Variants in CAMTA1 observed in about 807,000 individuals in gnomAD.
CAMTA1 encodes calmodulin binding transcription activator 1.
A neutral mutation model predicts 170.9 loss-of-function variants in CAMTA1; 27 were observed. The ratio of observed to expected loss-of-function variants is 0.16; its 90% CI spans 0.12 to 0.22. The LOEUF is 0.22. Among genes scored for constraint, CAMTA1 ranks in the 10% least tolerant of loss-of-function variants. CAMTA1 has a pLI of 1.00. For missense variants in CAMTA1, 1,619 were observed against 2,217.2 expected, an observed-to-expected ratio of 0.73 and a Z score of 5.42; for synonymous variants, 833 against 891.5, an observed-to-expected ratio of 0.93 and a Z score of 1.17.
At chr1:7,082,725 C>T (rs887339184) in intron 3 of CAMTA1, among the ~76,000 whole-genome samples, 1 of 152,222 alleles carries the variant, frequency 6.6e-6, no homozygotes, top group Non-Finnish European at 1.5e-5. Context: ...TGCTCTTTCC[C>T]TTCCCTGATA....
intron 3 of CAMTA1, among the ~76,000 whole-genome samples, chr1:6,977,431 C>T (rs181094046): frequency 6.6e-6 from 1 of 152,048 alleles, no homozygotes; most frequent in Non-Finnish European, 1.5e-5. Context: ...ACCTCCACCT[C>T]CCAGGTTCAA....
intron 5 of CAMTA1, among the ~76,000 whole-genome samples, chr1:7,367,683 G>A (rs2086080756): frequency 6.6e-6 from 1 of 152,270 alleles, no homozygotes; most frequent in South Asian, 2.1e-4. Context: ...TAAGTCTGTG[G>A]CCTTGGATGC....
chr1:7,002,841 C>T (rs1348288253), intron 3 of CAMTA1, among the ~76,000 whole-genome samples: 1 of 152,180 alleles, frequency 6.6e-6, no homozygotes, highest in Admixed American at 6.5e-5. Flanking sequence ...TTTGCCATGA[C>T]TCACTCTTGA....
In CAMTA1 at chr1:7,004,934, AT is replaced by A. The variant is rs898609251; in HGVS notation, c.235-86361del. 4.6e-5 allele frequency among the ~76,000 whole-genome samples: 7 copies of A among 151,388 alleles called. No individual in the cohort carries two copies. The East Asian group carries it at 1.2e-3, about 25-fold the overall frequency. Reference sequence around the variant, plus strand: ...AGGCACATGCCATCACACCCGGCTAATTTTTTTTTGTGTTTTTAGTAGAGAC... The same window carrying A: ...AGGCACATGCCATCACACCCGGCTAATTTTTTTTGTGTTTTTAGTAGAGAC... On this transcript the variant is annotated intron_variant, in intron 3 of 22. Coordinates refer to ENST00000303635, the MANE Select transcript of CAMTA1 (RefSeq NM_015215.4).
At chr1:6,952,972 G>C (rs901211112) in intron 3 of CAMTA1, among the ~76,000 whole-genome samples, 1 of 152,132 alleles carries the variant, frequency 6.6e-6, no homozygotes, top group Non-Finnish European at 1.5e-5. Flanking sequence ...ACTGGGTTCT[G>C]TTTCCTTCCC....
At chr1:6,849,060 T>G (rs1247345618) in intron 3 of CAMTA1, among the ~76,000 whole-genome samples, 1 of 152,172 alleles carries the variant, frequency 6.6e-6, no homozygotes, top group Non-Finnish European at 1.5e-5. Flanking sequence ...GGCTCTGCTT[T>G]TAGGCAGATA....
intron 5 of CAMTA1, among the ~76,000 whole-genome samples, chr1:7,334,444 G>A (rs780939412): frequency 6.6e-6 from 1 of 152,176 alleles, no homozygotes; most frequent in Non-Finnish European, 1.5e-5. Flanking sequence ...TTTTGGATGC[G>A]GAAACGGAAT....
At chr1:7,122,184 CT>C (rs1644683769) in intron 4 of CAMTA1, among the ~76,000 whole-genome samples, 1 of 152,084 alleles carries the variant, frequency 6.6e-6, no homozygotes, top group Admixed American at 6.5e-5. Flanking sequence ...TCCTTCCACC[CT>C]TGCCCTGTTC....
intron 4 of CAMTA1, among the ~76,000 whole-genome samples, chr1:7,130,404 G>C (rs1199114184): frequency 6.6e-6 from 1 of 151,904 alleles, no homozygotes; most frequent in Non-Finnish European, 1.5e-5. Context: ...CTACTTTTTG[G>C]CTATTACAAG....
chr1:7,104,139 G>A lies in CAMTA1; in HGVS notation c.302+12768G>A, dbSNP rs535047890. ...ACACACAACACACATAACTACACAC[G>A]TACACACAACACACATATGCATACA... On this transcript the variant is annotated intron_variant, in intron 4 of 22. Coordinates refer to ENST00000303635, the MANE Select transcript of CAMTA1 (RefSeq NM_015215.4). Among the ~76,000 whole-genome samples, 14 of 78,654 alleles carry A rather than the reference G, an allele frequency of 1.8e-4. No homozygotes were observed. In the East Asian group the frequency reaches 6.2e-3, roughly 35 times the overall value. The allele number at this position is 78,654 out of a possible 152,430, so 51.6% of individuals were successfully genotyped here.
chr1:6,822,794 C>CCACACACACA (rs3061932), intron 2 of CAMTA1, among the ~76,000 whole-genome samples: 10 of 146,486 alleles, frequency 6.8e-5, no homozygotes, highest in African/African-American at 2.0e-4. Flanking sequence ...TACATAAATA[C>CCACACACACA]CACACACACA....
At position 7,435,415 on chromosome 1, in the gene CAMTA1, G is replaced by A. The variant is rs527879854; in HGVS notation, c.439-32415G>A. Among the ~76,000 whole-genome samples the A allele has an allele frequency of 3.9e-4, 59 of 152,276 alleles. No homozygotes were observed. The highest frequency in any genetic ancestry group is 6.8e-3 in the Middle Eastern group (2 of 294). On this transcript the variant is annotated intron_variant, in intron 5 of 22. Coordinates refer to ENST00000303635, the MANE Select transcript of CAMTA1 (RefSeq NM_015215.4). The surrounding 1 kb of genome is among the most constrained non-coding windows in gnomAD (Gnocchi z 4.4). ...TGGGACTCCTGTACCTCTCCCTGTG[G>A]GATCCCTGCCCTAGGCTGGGTTCTT...
intron 3 of CAMTA1, among the ~76,000 whole-genome samples, chr1:6,961,903 G>T (rs1362448062): frequency 7.2e-5 from 11 of 152,228 alleles, no homozygotes; most frequent in Admixed American, 6.5e-4. Context: ...CTCAGAGGTT[G>T]TTGCAGGGAA....
In CAMTA1 at chr1:7,680,811, G is replaced by T. The variant is rs957123567; in HGVS notation, c.2914+3078G>T. Among the ~76,000 whole-genome samples the T allele has an allele frequency of 8.0e-5, 9 of 111,854 alleles. 1 individual carries two copies. Among genetic ancestry groups the T allele is most frequent in the South Asian group, 6.3e-4 (2 of 3,186 alleles). 73.4% of individuals were successfully genotyped at this position (111,854 alleles called of 152,430 possible). A position where few individuals can be genotyped will look rare whatever the true frequency, so the allele number is the denominator to read the frequency against. On this transcript the variant is annotated intron_variant, in intron 11 of 22. Transcript: ENST00000303635. This position sits in a 1 kb window ranked among gnomAD's most constrained non-coding sequence, Gnocchi z 4.4. ...AATTTGTTTGCTTGGCTAAAGGCCGGGGGGGGGCGTGGGTCCGGGGCGCAG... is the reference window on the plus strand; with the variant it reads ...AATTTGTTTGCTTGGCTAAAGGCCGTGGGGGGGCGTGGGTCCGGGGCGCAG...
rs1348399543 is a variant in CAMTA1, at chr1:6,969,028, C to G, written c.235-122276C>G. The stretch of plus-strand genomic sequence containing the variant: ...TTTAAAGGGTTTGACTTTATCGGGA[C>G]AGAGAGGGGCCAGTCTTGCCTTAGA... On this transcript the variant is annotated intron_variant, in intron 3 of 22. Transcript: ENST00000303635. Among the ~76,000 whole-genome samples the G allele has an allele frequency of 3.9e-5, 6 of 152,220 alleles. No individual in the cohort carries two copies. The South Asian group carries it at 1.2e-3, about 32-fold the overall frequency.
At chr1:6,908,666 A>T (rs1324024962) in intron 3 of CAMTA1, among the ~76,000 whole-genome samples, 1 of 152,164 alleles carries the variant, frequency 6.6e-6, no homozygotes, top group Non-Finnish European at 1.5e-5. Context: ...GAAAATTTTT[A>T]AAAATATGCT....
chr1:7,099,169 G>C (rs1642433063), intron 4 of CAMTA1, among the ~76,000 whole-genome samples: 1 of 152,020 alleles, frequency 6.6e-6, no homozygotes, highest in Non-Finnish European at 1.5e-5. Context: ...CTGCCTCTCA[G>C]CCTCCTGAGT....
chr1:7,123,764 A>G (rs986137103), intron 4 of CAMTA1, among the ~76,000 whole-genome samples: 3 of 151,902 alleles, frequency 2.0e-5, no homozygotes, highest in Non-Finnish European at 2.9e-5. Flanking sequence ...CAGCCCCTCA[A>G]TTCTCCTTTG....
chr1:6,926,849 A>G (rs1319077523), intron 3 of CAMTA1, among the ~76,000 whole-genome samples: 5 of 150,090 alleles, frequency 3.3e-5, no homozygotes, highest in African/African-American at 1.2e-4. Flanking sequence ...TCCGACCTCA[A>G]CCTCCAAAGT....
Sources: allele counts gnomAD v4.1 joint callset (sites outside exome capture counted in the v4.1 genomes callset), GRCh38; gene constraint gnomAD v4.1.1; non-coding constraint Gnocchi (gnomAD v3.1); transcripts MANE v1.5; gene names NCBI Gene and HGNC (gene_info 2026-07-23, HGNC 2026-07-21).